DUOX2: variants seen among roughly 807,000 people sequenced by gnomAD.
The protein encoded by DUOX2 is NADH/NADPH thyroid oxidase p138-tox.
A neutral mutation model predicts 183.3 loss-of-function variants in DUOX2; 185 were observed. The ratio of observed to expected loss-of-function variants is 1.01; its 90% confidence interval spans 0.90 to 1.14. The LOEUF is 1.14. Ranked by LOEUF, DUOX2 falls within the 50% of genes most tolerant of loss-of-function variation. The pLI is 0.00. For missense variants in DUOX2, 1,999 were observed against 2,022.9 expected (o/e 0.99, Z 0.23); for synonymous variants, 788 against 812.4 (o/e 0.97, Z 0.51).
At position 45,111,205 on chromosome 15, in the gene DUOX2, T is replaced by C. The variant is rs1894386487; in HGVS notation, c.788A>G (p.Asn263Ser). The C allele has an allele frequency of 1.6e-6, 2 of 1,261,288 alleles. No homozygotes were observed. The highest frequency in any genetic ancestry group is 2.2e-6 in the Non-Finnish European group (2 of 918,182). 78.1% of individuals were successfully genotyped at this position (1,261,288 alleles called of 1,614,324 possible). A position where few individuals can be genotyped will look rare whatever the true frequency, so the allele number is the denominator to read the frequency against. ...ALGLLWFRYH[N>S]LWAQRLARQH... is the part of the protein sequence containing the mutation. ...GCGGGCCAGCCTCTGCGCCCACAGG[T>C]TGTGGTAGCGGAACCAGAGCAGGCC... Residue 263 changes from asparagine to serine, a missense_variant, in exon 7 of 34, where the codon AAC becomes AGC. Physicochemically the swap from Asn to Ser is conservative, Grantham distance 46. Coordinates refer to ENST00000389039, the MANE Select transcript of DUOX2 (RefSeq NM_001363711.2).
At position 45,099,731 on chromosome 15, in the gene DUOX2, G is replaced by A. The variant is rs200647474; in HGVS notation, c.3346C>T (p.Arg1116Cys). The A allele has an allele frequency of 5.6e-6, 9 of 1,614,198 alleles. No individual in the cohort carries two copies. The highest frequency in any genetic ancestry group is 7.6e-6 in the Non-Finnish European group (9 of 1,180,042). The change falls in exon 25 of 34, where the codon CGC (arginine) becomes TGC (cysteine). Residue 1116 changes from arginine to cysteine, a missense_variant. Arg to Cys is a radical substitution (Grantham distance 180). Around this residue, in one of 3 missense-constraint regions of DUOX2, gnomAD observed 1,628 missense variants for 1,608.6 expected, o/e 1.01. Transcript: ENST00000389039. ...ACTGCGGCATCAAAAGGCACATAGCGGTTGAGGAAAGTCTCTCGCAGGAAG... is the reference window on the plus strand; with the variant it reads ...ACTGCGGCATCAAAAGGCACATAGCAGTTGAGGAAAGTCTCTCGCAGGAAG... ...ITFLRETFLN[R>C]YVPFDAAVDF... is the part of the protein sequence containing the mutation.
chr15:45,094,120 T>C lies in DUOX2; in HGVS notation c.*30A>G. ...TAGGTGCACAGAAGAGAAGGCAGGA[T>C]ACTGGAAGCAGCAGCCAGGGAGGAC... is the stretch of plus-strand genomic sequence containing the variant. On this transcript the variant is annotated 3_prime_UTR_variant, in exon 34 of 34. Coordinates refer to ENST00000389039, the MANE Select transcript of DUOX2 (RefSeq NM_001363711.2). 6.2e-7 allele frequency: 1 copy of C among 1,614,010 alleles called. No individual in the cohort carries two copies. The highest frequency in any genetic ancestry group is 8.5e-7 in the Non-Finnish European group (1 of 1,179,978).
intron 2 of DUOX2, 56 bp from the exon 3 acceptor site, chr15:45,113,132 G>C (rs886097213): frequency 3.1e-5 from 49 of 1,566,740 alleles, no homozygotes; most frequent in Non-Finnish European, 4.0e-5. Context: ...CCCCTCCCGA[G>C]CAACGAAGGC....
chr15:45,093,892 G>A lies in DUOX2; in HGVS notation c.*258C>T, dbSNP rs1757869054. ...ACTTGCTAAGGGCAGGAAGTCTGGA[G>A]GGCTGCAGGAATGGTGCCGTTGATA... On this transcript the variant is annotated 3_prime_UTR_variant, in exon 34 of 34. Transcript: ENST00000389039. 1 of 485,996 alleles carries A rather than the reference G, an allele frequency of 2.1e-6. No individual in the cohort carries two copies. 30.1% of individuals were successfully genotyped at this position (485,996 alleles called of 1,614,324 possible).
At chr15:45,094,398 T>C in intron 33 of DUOX2, 126 bp from the exon 34 acceptor site, 2 of 1,550,474 alleles carry the variant, frequency 1.3e-6, no homozygotes, top group Non-Finnish European at 1.8e-6. Flanking sequence ...AGGAGGAGGC[T>C]TAACGTGGAG....
At chr15:45,097,854 C>T (rs979857750) in intron 27 of DUOX2, 113 bp from the exon 28 acceptor site, 29 of 1,590,452 alleles carry the variant, frequency 1.8e-5, no homozygotes, top group Non-Finnish European at 2.4e-5. Context: ...CCTCCGGGGC[C>T]CCCAGAAAAG....
Position 45,107,330 on chromosome 15 carries a change from T to A in DUOX2, c.1693+15A>T. 1 of 1,613,826 alleles carries A rather than the reference T, an allele frequency of 6.2e-7. No individual in the cohort carries two copies. Among genetic ancestry groups the A allele is most frequent in the East Asian group, 2.2e-5 (1 of 44,882 alleles). Reference sequence around the variant, plus strand: ...TGGCCACTGTCACTCACTTGTGTTCTCCCACGGCACTCACCTTTATGCCAG... The same window carrying A: ...TGGCCACTGTCACTCACTTGTGTTCACCCACGGCACTCACCTTTATGCCAG... On this transcript the variant is annotated intron_variant, in intron 14 of 33. Coordinates refer to ENST00000389039, the MANE Select transcript of DUOX2 (RefSeq NM_001363711.2).
intron 15 of DUOX2, 58 bp from the exon 16 acceptor site, chr15:45,106,699 G>T (rs1302122533): frequency 1.2e-6 from 2 of 1,610,446 alleles, no homozygotes; most frequent in Non-Finnish European, 1.7e-6. Context: ...GCTCCACTGT[G>T]GCTTAGGCTA....
chr15:45,096,821 C>T (rs983960199), intron 29 of DUOX2, among the ~76,000 whole-genome samples: 4 of 152,194 alleles, frequency 2.6e-5, no homozygotes, highest in Non-Finnish European at 4.4e-5. Flanking sequence ...ATACCAATCC[C>T]GACTTTGGCC....
chr15:45,108,614 T>C, intron 12 of DUOX2, 175 bp downstream of exon 12: 1 of 752,602 alleles, frequency 1.3e-6, no homozygotes, highest in Non-Finnish European at 2.2e-6. Flanking sequence ...GATGGCTGAA[T>C]TTAAGTCCCT....
At position 45,111,949 on chromosome 15, in the gene DUOX2, T is replaced by A. The variant is rs1595529241; in HGVS notation, c.332A>T (p.His111Leu). Residue 111 changes from histidine to leucine, a missense_variant, in exon 5 of 34, where the codon CAT (histidine) becomes CTT (leucine). Physicochemically the swap from His to Leu is moderately conservative, Grantham distance 99. This residue lies in a region of DUOX2 where 356 missense variants were observed against 356.4 expected (regional missense o/e 1.00). Transcript: ENST00000389039. Reference sequence around the variant, plus strand: ...CACGCTCACCACGTCGGAAAGAACATGGTAGCCTGCGGGCATGGGGCGCCA... The same window carrying A: ...CACGCTCACCACGTCGGAAAGAACAAGGTAGCCTGCGGGCATGGGGCGCCA... ...RTVLGVFFGY[H>L]VLSDVVSVET... The A allele has an allele frequency of 1.2e-6, 2 of 1,613,340 alleles. No homozygotes were observed. The highest frequency in any genetic ancestry group is 8.5e-7 in the Non-Finnish European group (1 of 1,179,916).
At chr15:45,112,446 G>C in intron 4 of DUOX2, 108 bp downstream of exon 4, 2 of 1,399,674 alleles carry the variant, frequency 1.4e-6, no homozygotes, top group Non-Finnish European at 2.0e-6. Context: ...AGAGGAAGTG[G>C]TTGGGAGTCG....
At chr15:45,112,053 A>G (rs906597362) in intron 4 of DUOX2, 98 bp from the exon 5 acceptor site, 3 of 1,457,670 alleles carry the variant, frequency 2.1e-6, no homozygotes, top group Non-Finnish European at 2.8e-6. Flanking sequence ...CAAAAGACAG[A>G]GGTCCCAGTG....
chr15:45,104,367 T>C lies in DUOX2; in HGVS notation c.2335-2A>G, dbSNP rs765878448. 6.2e-7 allele frequency: 1 copy of C among 1,613,244 alleles called. No homozygotes were observed. The highest frequency in any genetic ancestry group is 1.3e-5 in the African/African-American group (1 of 75,014). Reference sequence around the variant, plus strand: ...GTCGGCCTGGTTGATGTCCAGCACCTGCACTCGGGCAGCAGCAGAGGGAGG... The same window carrying C: ...GTCGGCCTGGTTGATGTCCAGCACCCGCACTCGGGCAGCAGCAGAGGGAGG... On this transcript the variant is annotated splice_acceptor_variant, in intron 18 of 33. Transcript: ENST00000389039. LOFTEE classifies it high-confidence loss of function.
intron 31 of DUOX2, 65 bp downstream of exon 31, chr15:45,095,372 C>G: frequency 1.2e-6 from 2 of 1,605,284 alleles, no homozygotes; most frequent in Non-Finnish European, 1.7e-6. Flanking sequence ...CATGCTCCAC[C>G]ACTTGATGCG....
At position 45,094,931 on chromosome 15, in the gene DUOX2, C is replaced by T; in HGVS notation, c.4395+5G>A. ...AGTTGCCCTGCCTGGCGGGCCCTGA[C>T]ATACTAGCATGGTGGTCCTGAGGTC... On this transcript the variant is annotated splice_donor_5th_base_variant and intron_variant, in intron 32 of 33. Coordinates refer to ENST00000389039, the MANE Select transcript of DUOX2 (RefSeq NM_001363711.2). The T allele has an allele frequency of 6.2e-7, 1 of 1,613,974 alleles. No homozygotes were observed. Among genetic ancestry groups the T allele is most frequent in the East Asian group, 2.2e-5 (1 of 44,868 alleles).
intron 29 of DUOX2, 54 bp from the exon 30 acceptor site, chr15:45,096,114 T>C (rs1288213884): frequency 1.3e-6 from 2 of 1,488,086 alleles, no homozygotes; most frequent in South Asian, 2.3e-5. Flanking sequence ...TCCTGGTACC[T>C]GAGGACTGAT....
rs1470279213 is a variant in DUOX2 at position 45,111,525 on chromosome 15, T to G, written c.574A>C (p.Ser192Arg). 10 of 1,554,540 alleles carry G rather than the reference T, an allele frequency of 6.4e-6. No homozygotes were observed. In the Admixed American group the frequency reaches 9.6e-5, roughly 15 times the overall value. The change falls in exon 6 of 34, where the codon AGC becomes CGC. Residue 192 changes from serine (S) to arginine (R), a missense_variant. Ser to Arg is a moderately radical substitution (Grantham distance 110, BLOSUM62 -1). Around this residue, in one of 3 missense-constraint regions of DUOX2, gnomAD observed 356 missense variants for 356.4 expected, o/e 1.00. Coordinates refer to ENST00000389039, the MANE Select transcript of DUOX2 (RefSeq NM_001363711.2). ...SAIYGSSHSW[S>R]DALRSFSGGQ... ...CCCGAGAAGCTCCGCAGCGCGTCGC[T>G]CCAGGAGTGCGAGGAGCCATAGATG...
intron 23 of DUOX2, 53 bp from the exon 24 acceptor site, chr15:45,100,281 C>T: frequency 6.5e-7 from 1 of 1,542,132 alleles, no homozygotes; most frequent in South Asian, 1.1e-5. Context: ...CTGGCCTTCC[C>T]TTAATGCCAC....
Sources: gnomAD v4.1 joint callset for allele counts (sites outside exome capture counted in the v4.1 genomes callset) on GRCh38, gnomAD v4.1.1 for gene constraint, gnomAD v4.1.1 regional missense constraint, MANE v1.5 for transcripts, NCBI Gene and HGNC (gene_info 2026-07-23, HGNC 2026-07-21) for gene names.